The following COL10A1 variants were observed in gnomAD, a reference collection of about 807,000 sequenced individuals.
The protein encoded by COL10A1 is collagen type X alpha 1 chain, also known as collagen alpha-1(X) chain.
Under a neutral mutation model 18.2 loss-of-function variants are expected in COL10A1, and 10 were observed. The observed-to-expected ratio is 0.55, with a 90% CI of 0.34 to 0.93. COL10A1 has a LOEUF of 0.93. COL10A1 is among the 40% of genes least tolerant of loss of function. The probability of loss-of-function intolerance (pLI) is 0.02; values close to 1 mark genes in which losing one functional copy is unlikely to be tolerated. For missense variants in COL10A1, 897 were observed against 853.5 expected, an observed-to-expected ratio of 1.05 and a Z score of -0.64; for synonymous variants, 330 against 316.6, an observed-to-expected ratio of 1.04 and a Z score of -0.45.
chr6:116,163,388 A>G (rs1411992306), upstream of COL10A1, among the ~76,000 whole-genome samples: 1 of 151,732 alleles, frequency 6.6e-6, no homozygotes, highest in African/African-American at 2.4e-5. Context: ...TGTTTCCTCT[A>G]AGTTTTCTAG....
At position 116,120,264 on chromosome 6, in the gene COL10A1, C is replaced by T. The variant is rs773944965; in HGVS notation, c.1852G>A (p.Gly618Ser). 1.9e-6 allele frequency: 3 copies of T among 1,614,140 alleles called. No homozygotes were observed. In the East Asian group the frequency reaches 6.7e-5, roughly 36 times the overall value. Residue 618 changes from glycine to serine, a missense_variant, in exon 3 of 3, where the codon GGC (glycine) becomes AGC (serine). Gly to Ser is a moderately conservative substitution (Grantham distance 56). Transcript: ENST00000651968. ...THVWVGLYKN[G>S]TPVMYTYDEY... ...TCATAGGTGTACATTACAGGGGTGCCATTCTTATACAGGCCTACCCAAACA... is the reference window on the plus strand; with the variant it reads ...TCATAGGTGTACATTACAGGGGTGCTATTCTTATACAGGCCTACCCAAACA...
At chr6:116,204,177 G>C in the COL10A1 span, among the ~76,000 whole-genome samples, 1 of 151,940 alleles carries the variant, frequency 6.6e-6, no homozygotes, top group Non-Finnish European at 1.5e-5. Flanking sequence ...CACTTCAGGA[G>C]TTAATACCAC....
At chr6:116,155,215 A>G (rs1020103928) in intron 1 of COL10A1, among the ~76,000 whole-genome samples, 1 of 152,194 alleles carries the variant, frequency 6.6e-6, no homozygotes. Context: ...GCTTATAAGC[A>G]TTGTTAGACA....
chr6:116,162,378 A>G (rs992460846), upstream of COL10A1, among the ~76,000 whole-genome samples: 7 of 152,104 alleles, frequency 4.6e-5, no homozygotes, highest in African/African-American at 1.7e-4. Context: ...AATGCTTTCA[A>G]TTTTTCCCTG....
the COL10A1 span, among the ~76,000 whole-genome samples, chr6:116,177,644 G>A: frequency 6.6e-6 from 1 of 151,988 alleles, no homozygotes; most frequent in Non-Finnish European, 1.5e-5. Context: ...TTACTTAAAG[G>A]AATTTATCTA....
chr6:116,120,387 T>TA lies in COL10A1; in HGVS notation c.1728dup (p.Asn577Ter), dbSNP rs1286621952. ...CTTGGGTCATAATGCTGTTGCCTGTTATACAAAATTTTATCAAATGGTATG... is the reference window on the plus strand; with the variant it reads ...CTTGGGTCATAATGCTGTTGCCTGTTAATACAAAATTTTATCAAATGGTATG... On this transcript the variant is annotated frameshift_variant, in exon 3 of 3. Transcript: ENST00000651968. LOFTEE classifies it high-confidence loss of function. 1 of 1,614,278 alleles carries TA rather than the reference T, an allele frequency of 6.2e-7. No homozygotes were observed. The highest frequency in any genetic ancestry group is 8.5e-7 in the Non-Finnish European group (1 of 1,180,052).
intron 1 of COL10A1, among the ~76,000 whole-genome samples, chr6:116,155,735 A>G (rs1780172948): frequency 1.3e-5 from 2 of 151,266 alleles, no homozygotes; most frequent in Admixed American, 1.3e-4. Context: ...TACACAAAGA[A>G]ATAATGTACT....
At chr6:116,193,241 C>G in the COL10A1 span, among the ~76,000 whole-genome samples, 8 of 151,952 alleles carry the variant, frequency 5.3e-5, no homozygotes, top group African/African-American at 1.9e-4. Flanking sequence ...AATCTTGCCC[C>G]ATAGTATCCA....
intron 1 of COL10A1, among the ~76,000 whole-genome samples, chr6:116,149,193 G>A (rs1423992335): frequency 6.6e-6 from 1 of 152,118 alleles, no homozygotes; most frequent in African/African-American, 2.4e-5. Flanking sequence ...AGAATTTGAA[G>A]GTGTGGATGA....
chr6:116,129,549 C>T (rs1478340156), upstream of COL10A1, among the ~76,000 whole-genome samples: 1 of 152,188 alleles, frequency 6.6e-6, no homozygotes, highest in African/African-American at 2.4e-5. Context: ...TGCTCTCTTG[C>T]ACACTTTTGC....
At chr6:116,194,026 A>G in the COL10A1 span, among the ~76,000 whole-genome samples, 1 of 152,048 alleles carries the variant, frequency 6.6e-6, no homozygotes, top group Non-Finnish European at 1.5e-5. Flanking sequence ...CAGCCTGGGC[A>G]ACAGAGTGAA....
At chr6:116,162,633 C>T (rs1034610828), upstream of COL10A1, among the ~76,000 whole-genome samples, 4 of 152,096 alleles carry the variant, frequency 2.6e-5, no homozygotes, top group Non-Finnish European at 5.9e-5. Context: ...CCCACTTGAT[C>T]GTGATGAATT....
the COL10A1 span, among the ~76,000 whole-genome samples, chr6:116,182,330 A>G: frequency 6.6e-6 from 1 of 151,620 alleles, no homozygotes; most frequent in East Asian, 1.9e-4. Context: ...GCAGTTGCAA[A>G]TTGTGCTGCT....
the COL10A1 span, among the ~76,000 whole-genome samples, chr6:116,178,092 CGCGCGCGCGCGT>C: frequency 4.4e-5 from 3 of 68,816 alleles, no homozygotes; most frequent in African/African-American, 1.9e-4. Context: ...TGTGTGTGCG[CGCGCGCGCGCGT>C]GCGTGCGTGT....
At chr6:116,167,779 T>C in the COL10A1 span, among the ~76,000 whole-genome samples, 1 of 152,080 alleles carries the variant, frequency 6.6e-6, no homozygotes, top group Non-Finnish European at 1.5e-5. Context: ...AGCCCTCAAG[T>C]TGTTATGAAT....
the COL10A1 span, among the ~76,000 whole-genome samples, chr6:116,197,086 C>T: frequency 6.6e-6 from 1 of 151,824 alleles, no homozygotes; most frequent in South Asian, 2.1e-4. Flanking sequence ...TCACGGGAAG[C>T]AGGATCTCCT....
At chr6:116,184,101 A>T in the COL10A1 span, among the ~76,000 whole-genome samples, 5 of 152,084 alleles carry the variant, frequency 3.3e-5, no homozygotes, top group South Asian at 1.0e-3. Context: ...TGAGGGTTTT[A>T]ATCATAAAGA....
chr6:116,172,837 ACT>A, the COL10A1 span, among the ~76,000 whole-genome samples: 1 of 152,032 alleles, frequency 6.6e-6, no homozygotes, highest in African/African-American at 2.4e-5. Context: ...AGGAAAATCT[ACT>A]CTCCTTGTTT....
chr6:116,160,932 G>GA (rs920252924), upstream of COL10A1, among the ~76,000 whole-genome samples: 3 of 151,914 alleles, frequency 2.0e-5, no homozygotes, highest in Non-Finnish European at 4.4e-5. Context: ...CAAAGACTTG[G>GA]AACCAACCCA....
Sources: gnomAD v4.1 joint callset for allele counts (sites outside exome capture counted in the v4.1 genomes callset) on GRCh38, gnomAD v4.1.1 for gene constraint, MANE v1.5 for transcripts, NCBI Gene and HGNC (gene_info 2026-07-23, HGNC 2026-07-21) for gene names.